The following GMDS variants were observed in gnomAD, a reference collection of about 807,000 sequenced individuals.
The protein encoded by GMDS is GDP-mannose 4,6 dehydratase.
GMDS carries 20 observed loss-of-function variants against 49.9 expected under a neutral mutation model. The ratio of observed to expected loss-of-function variants is 0.40; its 90% CI spans 0.28 to 0.58. The LOEUF (loss-of-function observed/expected upper bound fraction) is 0.58. Ranked by LOEUF, GMDS falls within the 20% of genes least tolerant of loss-of-function variation. GMDS has a pLI of 0.42. For missense variants in GMDS, 362 were observed against 481.4 expected (o/e 0.75, Z 2.32); for synonymous variants, 177 against 178.6 (o/e 0.99, Z 0.07).
At chr6:1,685,016 C>CA (rs1301456016) in intron 9 of GMDS, among the ~76,000 whole-genome samples, 5 of 112,124 alleles carry the variant, frequency 4.5e-5, no homozygotes, top group Non-Finnish European at 7.8e-5. Flanking sequence ...TCTCTCCCCC[C>CA]CCTTTTTTTT....
intron 10 of GMDS, 113 bp downstream of exon 10, chr6:1,624,359 C>T: frequency 1.5e-6 from 2 of 1,294,992 alleles, no homozygotes; most frequent in Non-Finnish European, 2.2e-6. Context: ...TCTCCCGCAC[C>T]CCGCCTTCCG....
At chr6:1,965,953 A>G (rs929335000) in intron 4 of GMDS, among the ~76,000 whole-genome samples, 5 of 152,242 alleles carry the variant, frequency 3.3e-5, no homozygotes, top group African/African-American at 1.2e-4. Flanking sequence ...GCTACAGCCC[A>G]CAGGCCAAAT....
chr6:1,758,520 C>T (rs544239335), intron 7 of GMDS, among the ~76,000 whole-genome samples: 115 of 152,298 alleles, frequency 7.6e-4, no homozygotes, highest in African/African-American at 2.3e-3. Context: ...TGTTCTCAAA[C>T]GTTAGCGTGC....
chr6:2,245,213 G>T, intron 1 of GMDS, 108 bp downstream of exon 1: 2 of 764,804 alleles, frequency 2.6e-6, no homozygotes, highest in Non-Finnish European at 2.2e-6. Context: ...CTTCCGGGAC[G>T]CCGAGAGGGC....
rs1217918863 is a variant in GMDS, at chr6:1,757,450, T to A, written c.772-14864A>T. 2.6e-5 allele frequency among the ~76,000 whole-genome samples: 4 copies of A among 152,222 alleles called. No individual in the cohort carries two copies. The South Asian group carries it at 8.3e-4, about 31-fold the overall frequency. On this transcript the variant is annotated intron_variant, in intron 7 of 10. Transcript: ENST00000380815. ...CCCAGTAGGAACAACATAAAAGCTC[T>A]GGGCATGCAGGAGGAAGTTTCTTTA...
chr6:1,961,343 T>C (rs1763931256), intron 4 of GMDS, among the ~76,000 whole-genome samples: 1 of 152,200 alleles, frequency 6.6e-6, no homozygotes. Flanking sequence ...GAAATTTACA[T>C]TTTTAATGAG....
chr6:2,203,172 T>C (rs745652314), intron 1 of GMDS, among the ~76,000 whole-genome samples: 1 of 152,206 alleles, frequency 6.6e-6, no homozygotes, highest in Non-Finnish European at 1.5e-5. Context: ...GCTTATGTAC[T>C]GGAGTTACTT....
intron 1 of GMDS, among the ~76,000 whole-genome samples, chr6:2,153,717 A>G (rs952603103): frequency 2.0e-5 from 3 of 152,182 alleles, no homozygotes; most frequent in Non-Finnish European, 4.4e-5. Context: ...TTCATATGCT[A>G]TTGGTAGAGA....
chr6:1,742,271 T>C (rs1767304184), intron 8 of GMDS, among the ~76,000 whole-genome samples, 197 bp downstream of exon 8: 2 of 152,090 alleles, frequency 1.3e-5, no homozygotes, highest in Admixed American at 6.6e-5. Flanking sequence ...TTGGTTTAGA[T>C]GCTGACCAAC....
chr6:1,863,380 GA>G (rs1421989347), intron 7 of GMDS, among the ~76,000 whole-genome samples: 9 of 152,096 alleles, frequency 5.9e-5, no homozygotes, highest in African/African-American at 2.2e-4. Flanking sequence ...GGTGGGAGTG[GA>G]AACAGCACCC....
intron 4 of GMDS, among the ~76,000 whole-genome samples, chr6:1,985,598 A>C (rs886259902): frequency 3.3e-5 from 5 of 152,224 alleles, no homozygotes; most frequent in African/African-American, 1.2e-4. Flanking sequence ...AAGCAGGCTA[A>C]AATGAAACAA....
chr6:1,694,359 T>G (rs1414178863), intron 9 of GMDS, among the ~76,000 whole-genome samples: 1 of 152,258 alleles, frequency 6.6e-6, no homozygotes, highest in Non-Finnish European at 1.5e-5. Flanking sequence ...TACAGTATCA[T>G]GTACTGGGTA....
intron 1 of GMDS, among the ~76,000 whole-genome samples, chr6:2,219,191 T>G (rs1001992220): frequency 6.6e-6 from 1 of 152,224 alleles, no homozygotes; most frequent in East Asian, 1.9e-4. Flanking sequence ...CTCACCTGAA[T>G]ACCCATTTGC....
chr6:2,229,727 C>G (rs1036795718), intron 1 of GMDS, among the ~76,000 whole-genome samples: 1 of 152,174 alleles, frequency 6.6e-6, no homozygotes, highest in Non-Finnish European at 1.5e-5. Context: ...CCCAGATCAT[C>G]CCTGACAAAA....
At chr6:1,978,741 C>T (rs554153818) in intron 4 of GMDS, among the ~76,000 whole-genome samples, 1 of 152,334 alleles carries the variant, frequency 6.6e-6, no homozygotes, top group South Asian at 2.1e-4. Flanking sequence ...AGCTGCTCTA[C>T]CAAAAAGCAG....
chr6:1,832,242 T>G (rs945528204), intron 7 of GMDS, among the ~76,000 whole-genome samples: 2 of 151,172 alleles, frequency 1.3e-5, no homozygotes, highest in Non-Finnish European at 2.9e-5. Flanking sequence ...AATAAGAAAA[T>G]TAGCCAGGTG....
chr6:1,840,783 A>G (rs1257972390), intron 7 of GMDS, among the ~76,000 whole-genome samples: 1 of 152,224 alleles, frequency 6.6e-6, no homozygotes, highest in African/African-American at 2.4e-5. Context: ...GACTTAAAAA[A>G]AGGAAAAATT....
intron 7 of GMDS, among the ~76,000 whole-genome samples, chr6:1,862,265 A>G (rs551225369): frequency 6.6e-6 from 1 of 152,358 alleles, no homozygotes; most frequent in South Asian, 2.1e-4. Flanking sequence ...ATCCATCAGT[A>G]TTGAAATAGA....
chr6:2,101,489 T>C (rs113451480), intron 4 of GMDS, among the ~76,000 whole-genome samples: 15 of 152,134 alleles, frequency 9.9e-5, no homozygotes, highest in African/African-American at 3.4e-4. Context: ...AGAATCATCA[T>C]CATGTAAGAT....
Sources: allele counts gnomAD v4.1 joint callset (sites outside exome capture counted in the v4.1 genomes callset), GRCh38; gene constraint gnomAD v4.1.1; transcripts MANE v1.5; gene names NCBI Gene and HGNC (gene_info 2026-07-23, HGNC 2026-07-21).